The following MCM10 variants were observed in gnomAD, a reference collection of about 807,000 sequenced individuals.
MCM10 encodes the protein minichromosome maintenance 10 replication initiation factor.
A neutral mutation model predicts 109.9 loss-of-function variants in MCM10; 91 were observed. The ratio of observed to expected loss-of-function variants is 0.83; its 90% CI spans 0.70 to 0.99. The LOEUF (loss-of-function observed/expected upper bound fraction) is 0.99. MCM10 is among the 50% of genes least tolerant of loss of function. The pLI is 0.00. For missense variants in MCM10, 1,077 were observed against 1,061.2 expected, an observed-to-expected ratio of 1.01 and a Z score of -0.21; for synonymous variants, 380 against 387.2, an observed-to-expected ratio of 0.98 and a Z score of 0.22.
intron 9 of MCM10, among the ~76,000 whole-genome samples, chr10:13,188,236 A>T (rs569873291): frequency 1.5e-4 from 23 of 152,294 alleles, no homozygotes; most frequent in Non-Finnish European, 2.8e-4. Context: ...AAAGGATAGC[A>T]CTTGTCCGAG....
At chr10:13,198,617 G>C in intron 15 of MCM10, 72 bp from the exon 16 acceptor site, 1 of 939,344 alleles carries the variant, frequency 1.1e-6, no homozygotes, top group Non-Finnish European at 1.7e-6. Flanking sequence ...GTGGGAGGGA[G>C]TAGAGTTGAT....
At chr10:13,192,182 A>G (rs1834356033) in intron 11 of MCM10, 73 bp from the exon 12 acceptor site, 1 of 915,816 alleles carries the variant, frequency 1.1e-6, no homozygotes, top group Non-Finnish European at 1.7e-6. Flanking sequence ...TGCAGAGTTT[A>G]GAAAGTGGTA....
At position 13,175,560 on chromosome 10, in the gene MCM10, C is replaced by G. The variant is rs141567347; in HGVS notation, c.643C>G (p.Gln215Glu). The change falls in exon 6 of 20, where the codon CAG (glutamine) becomes GAG (glutamate). Residue 215 changes from glutamine to glutamate, a missense_variant. Coordinates refer to ENST00000378714, the MANE Select transcript of MCM10 (RefSeq NM_018518.5). ...RMTSAPSQPLQTISRNKPSGI... is the reference protein window; with the variant it reads ...RMTSAPSQPLETISRNKPSGI... The stretch of plus-strand genomic sequence containing the variant: ...GACAAGTGCACCCTCCCAACCCCTA[C>G]AGACGATTTCTCGGAACAAACCTAG... 7.2e-4 allele frequency: 1,160 copies of G among 1,614,158 alleles called. 20 individuals carry two copies. In the East Asian group the frequency reaches 0.012, roughly 17 times the overall value.
chr10:13,165,779 G>C (rs968291324), intron 2 of MCM10, among the ~76,000 whole-genome samples: 1 of 151,202 alleles, frequency 6.6e-6, no homozygotes, highest in African/African-American at 2.4e-5. Context: ...GGAGGCTGAG[G>C]CTGGAGGATC....
rs759515783 is a variant in MCM10, at chr10:13,201,464, A to G, written c.2282A>G (p.Lys761Arg). 1.9e-6 allele frequency: 3 copies of G among 1,613,448 alleles called. No homozygotes were observed. Among genetic ancestry groups the G allele is most frequent in the Non-Finnish European group, 2.5e-6 (3 of 1,179,714 alleles). ...MQERYFEPLV[K>R]KEQMEEKMRN... ...GAGCGCTACTTTGAGCCACTGGTGA[A>G]AAAAGAACAAATGGAAGAAAAGATG... Residue 761 changes from lysine (K) to arginine (R), a missense_variant, in exon 17 of 20, where the codon AAA (lysine) becomes AGA (arginine). Coordinates refer to ENST00000378714, the MANE Select transcript of MCM10 (RefSeq NM_018518.5).
At chr10:13,168,798 T>G (rs1162844239) in intron 2 of MCM10, among the ~76,000 whole-genome samples, 1 of 152,196 alleles carries the variant, frequency 6.6e-6, no homozygotes, top group Admixed American at 6.5e-5. Context: ...TGGGGAGAAG[T>G]GGCCCTTGTG....
chr10:13,171,941 T>C (rs964401660), intron 3 of MCM10, among the ~76,000 whole-genome samples: 1 of 151,542 alleles, frequency 6.6e-6, no homozygotes, highest in African/African-American at 2.4e-5. Context: ...ATTTTTTTTA[T>C]TTTTTTTATT....
At chr10:13,197,589 G>C (rs373004711) in intron 14 of MCM10, 34 bp from the exon 15 acceptor site, 2 of 1,598,324 alleles carry the variant, frequency 1.3e-6, no homozygotes, top group Non-Finnish European at 1.7e-6. Context: ...TCATCTTTTA[G>C]ATCTTTACCT....
chr10:13,197,163 T>C (rs1383728765), intron 14 of MCM10, among the ~76,000 whole-genome samples: 2 of 152,064 alleles, frequency 1.3e-5, no homozygotes, highest in African/African-American at 2.4e-5. Flanking sequence ...GCTCAAGAAA[T>C]CCACCTGCTT....
At position 13,195,082 on chromosome 10, in the gene MCM10, C is replaced by G. The variant is rs775823079; in HGVS notation, c.1787C>G (p.Pro596Arg). The change falls in exon 14 of 20, where the codon CCA becomes CGA. Residue 596 changes from proline (P) to arginine (R), a missense_variant. Transcript: ENST00000378714. ...AGTGAAGTTGAGAGCCCAGCTGTGC[C>G]ATCTTCATCAAGACAGCCCCCTGCT... Reference protein sequence around the residue: ...SSSEVESPAVPSSSRQPPAQP... With the variant: ...SSSEVESPAVRSSSRQPPAQP... 1 of 1,614,116 alleles carries G rather than the reference C, an allele frequency of 6.2e-7. No individual in the cohort carries two copies. The highest frequency in any genetic ancestry group is 2.2e-5 in the East Asian group (1 of 44,874).
chr10:13,180,587 A>G lies in MCM10; in HGVS notation c.910A>G (p.Thr304Ala). The part of the protein sequence containing the change: ...VTFGVILKKV[T>A]PQSVNSGKTF... ...ATTTGGGGTTATATTGAAGAAGGTT[A>G]CGCCACAGAGTGTGAATAGTGTAAG... The change falls in exon 7 of 20, where the codon ACG (threonine) becomes GCG (alanine). Residue 304 changes from threonine (T) to alanine (A), a missense_variant. Coordinates refer to ENST00000378714, the MANE Select transcript of MCM10 (RefSeq NM_018518.5). 6.2e-7 allele frequency: 1 copy of G among 1,614,182 alleles called. No individual in the cohort carries two copies. The highest frequency in any genetic ancestry group is 8.5e-7 in the Non-Finnish European group (1 of 1,180,032).
chr10:13,199,442 A>G (rs1019821963), intron 16 of MCM10, among the ~76,000 whole-genome samples: 4 of 152,238 alleles, frequency 2.6e-5, no homozygotes, highest in African/African-American at 9.6e-5. Flanking sequence ...GCCTTGCAAT[A>G]TGCAAAAAGA....
chr10:13,186,604 A>G (rs1834277448), intron 9 of MCM10, among the ~76,000 whole-genome samples: 1 of 152,182 alleles, frequency 6.6e-6, no homozygotes. Context: ...TTTAGCCTAT[A>G]TTTTAACTCC....
At chr10:13,188,231 A>T (rs903045794) in intron 9 of MCM10, among the ~76,000 whole-genome samples, 17 of 152,200 alleles carry the variant, frequency 1.1e-4, no homozygotes, top group Admixed American at 7.2e-4. Context: ...CACTGAAAGG[A>T]TAGCACTTGT....
At position 13,172,503 on chromosome 10, in the gene MCM10, A is replaced by G. The variant is rs759713708; in HGVS notation, c.454+23A>G. 2 of 1,607,840 alleles carry G rather than the reference A, an allele frequency of 1.2e-6. No homozygotes were observed. ...CTGGTAAGAAGACTGTCATTCTGGC[A>G]ATCGTGTGCATTTATTTTATTAGAA... On this transcript the variant is annotated intron_variant, in intron 4 of 19. Transcript: ENST00000378714. The surrounding 1 kb of genome is among the most constrained non-coding windows in gnomAD (Gnocchi z 5.2).
chr10:13,188,920 T>A lies in MCM10; in HGVS notation c.1255T>A (p.Tyr419Asn). ...EYCQYHVQAQ[Y>N]KKLSAKRADL... is the part of the protein sequence containing the mutation. ...CTGTCAGTACCATGTCCAGGCTCAGTACAAGAAGCTCAGCGCAAAGCGTGC... is the reference window on the plus strand; with the variant it reads ...CTGTCAGTACCATGTCCAGGCTCAGAACAAGAAGCTCAGCGCAAAGCGTGC... The change falls in exon 10 of 20, where the codon TAC becomes AAC. Residue 419 changes from tyrosine (Y) to asparagine (N), a missense_variant. Coordinates refer to ENST00000378714, the MANE Select transcript of MCM10 (RefSeq NM_018518.5). 1 of 1,614,220 alleles carries A rather than the reference T, an allele frequency of 6.2e-7. No homozygotes were observed. The highest frequency in any genetic ancestry group is 1.1e-5 in the South Asian group (1 of 91,088).
Position 13,171,049 on chromosome 10 carries a change from C to T in MCM10, c.135C>T (p.Leu45=). Reference sequence around the variant, plus strand: ...GCGAGCCCGACGCATTTGATGAGCTCTTTGATGCCGACGGCGACGGTGAAT... The same window carrying T: ...GCGAGCCCGACGCATTTGATGAGCTTTTTGATGCCGACGGCGACGGTGAAT... ...ENGEPDAFDE[L]FDADGDGESY... The change falls in exon 3 of 20, where the codon CTC becomes CTT. Residue 45 remains leucine, a synonymous_variant. Transcript: ENST00000378714. 6.2e-7 allele frequency: 1 copy of T among 1,614,188 alleles called. No homozygotes were observed. The highest frequency in any genetic ancestry group is 8.5e-7 in the Non-Finnish European group (1 of 1,180,052).
rs775589863 is a variant in MCM10 at position 13,192,579 on chromosome 10, C to A, written c.1745+11C>A. 1.2e-6 allele frequency: 2 copies of A among 1,609,940 alleles called. No homozygotes were observed. The highest frequency in any genetic ancestry group is 8.5e-7 in the Non-Finnish European group (1 of 1,176,204). ...AGAAATACAGAAGCGGTAAGAGGAG[C>A]AGATTTAATATTCCCCGCTTGGGTC... On this transcript the variant is annotated intron_variant, in intron 13 of 19. Transcript: ENST00000378714.
chr10:13,185,936 GT>G (rs200604210), intron 8 of MCM10, among the ~76,000 whole-genome samples: 2 of 152,058 alleles, frequency 1.3e-5, no homozygotes, highest in East Asian at 1.9e-4. Flanking sequence ...AATTTTTGTG[GT>G]TTTTTGTAGA....
Sources: allele counts gnomAD v4.1 joint callset (sites outside exome capture counted in the v4.1 genomes callset), GRCh38; gene constraint gnomAD v4.1.1; non-coding constraint Gnocchi (gnomAD v3.1); transcripts MANE v1.5; gene names NCBI Gene and HGNC (gene_info 2026-07-23, HGNC 2026-07-21).